Variants in CACNB4 observed in about 807,000 individuals in gnomAD.
The protein encoded by CACNB4 is calcium voltage-gated channel auxiliary subunit beta 4.
CACNB4 carries 32 observed loss-of-function variants against 71.2 expected under a neutral mutation model. The observed-to-expected ratio is 0.45, with a 90% CI of 0.34 to 0.60. The LOEUF (loss-of-function observed/expected upper bound fraction) is 0.60. Ranked by LOEUF, CACNB4 falls within the 20% of genes least tolerant of loss-of-function variation. The pLI is 0.01. For synonymous variants in CACNB4, 231 were observed against 236.9 expected (o/e 0.97, Z 0.23); for missense variants, 464 against 647.9 (o/e 0.72, Z 3.08).
intron 2 of CACNB4, among the ~76,000 whole-genome samples, chr2:152,020,096 T>G (rs1337402311): frequency 6.6e-6 from 1 of 152,230 alleles, no homozygotes; most frequent in Non-Finnish European, 1.5e-5. Flanking sequence ...AATCAATGTC[T>G]CTGGAACCTA....
chr2:151,857,744 G>A (rs780038993), intron 10 of CACNB4: 1 of 152,196 alleles, frequency 6.6e-6, no homozygotes, highest in Non-Finnish European at 1.5e-5. Context: ...GGACTGCCCT[G>A]GTACAAATAA....
At chr2:151,931,387 G>A (rs565115705) in intron 2 of CACNB4, among the ~76,000 whole-genome samples, 2 of 152,042 alleles carry the variant, frequency 1.3e-5, no homozygotes, top group Admixed American at 1.3e-4. Flanking sequence ...TAAAATCCAG[G>A]GTCTGTTTAC....
At chr2:151,948,223 T>A (rs1157812711) in intron 2 of CACNB4, among the ~76,000 whole-genome samples, 1 of 152,168 alleles carries the variant, frequency 6.6e-6, no homozygotes, top group African/African-American at 2.4e-5. Flanking sequence ...AGCCTTGCAG[T>A]TTAGCTGCAA....
Position 151,960,653 on chromosome 2 carries a change from C to A in CACNB4, c.148-77283G>T, listed in dbSNP as rs527887743. On this transcript the variant is annotated intron_variant, in intron 2 of 13. Transcript: ENST00000539935. ...CCAGTGATGGGTTACATGTCCCAAT[C>A]CTTGGCCAACTGGTCCACCAGTCAA... Among the ~76,000 whole-genome samples the A allele has an allele frequency of 2.6e-5, 4 of 152,294 alleles. No individual in the cohort carries two copies. The East Asian group carries it at 7.7e-4, about 29-fold the overall frequency.
chr2:151,933,262 T>C (rs905653436), intron 2 of CACNB4, among the ~76,000 whole-genome samples: 1 of 151,826 alleles, frequency 6.6e-6, no homozygotes, highest in Non-Finnish European at 1.5e-5. Flanking sequence ...GTCTCGATGT[T>C]GGCCTTATTA....
chr2:151,949,542 C>A (rs2099866394), intron 2 of CACNB4, among the ~76,000 whole-genome samples: 1 of 151,976 alleles, frequency 6.6e-6, no homozygotes, highest in African/African-American at 2.4e-5. Flanking sequence ...ACAGCATGGT[C>A]CGTTCAGGGA....
intron 2 of CACNB4, among the ~76,000 whole-genome samples, chr2:152,061,188 T>C (rs2105332397): frequency 6.6e-6 from 1 of 152,198 alleles, no homozygotes; most frequent in South Asian, 2.1e-4. Flanking sequence ...CACATGCCTG[T>C]AGCCTCCCAG....
chr2:152,080,994 T>C (rs977554576), intron 2 of CACNB4, among the ~76,000 whole-genome samples: 1 of 152,194 alleles, frequency 6.6e-6, no homozygotes, highest in Admixed American at 6.5e-5. Flanking sequence ...GCACCATGCT[T>C]CCTGGACAGC....
In CACNB4 at chr2:152,062,690, G is replaced by T. The variant is rs146153916; in HGVS notation, c.147+35640C>A. Among the ~76,000 whole-genome samples, 471 of 152,256 alleles carry T rather than the reference G, an allele frequency of 3.1e-3. 3 individuals are homozygous for T. Among genetic ancestry groups the T allele is most frequent in the African/African-American group, 0.011 (454 of 41,550 alleles). On this transcript the variant is annotated intron_variant, in intron 2 of 13. Coordinates refer to ENST00000539935, the MANE Select transcript of CACNB4 (RefSeq NM_000726.5). ...TCCACCAGCTTTGGAGCAGCTCCTG[G>T]CCTCTCCCATCATGGCAAGACAGAG...
chr2:151,979,405 G>A (rs182492618), intron 2 of CACNB4, among the ~76,000 whole-genome samples: 7 of 150,636 alleles, frequency 4.6e-5, no homozygotes, highest in African/African-American at 1.5e-4. Context: ...GAAAATGACA[G>A]ATCCCTCTCT....
At chr2:151,961,678 C>A (rs1411008795) in intron 2 of CACNB4, among the ~76,000 whole-genome samples, 1 of 152,010 alleles carries the variant, frequency 6.6e-6, no homozygotes, top group Non-Finnish European at 1.5e-5. Flanking sequence ...ACTGCTTGAG[C>A]CCAGGAGTAC....
At chr2:151,967,042 T>TC (rs1171069203) in intron 2 of CACNB4, 3 of 102,790 alleles carry the variant, frequency 2.9e-5, no homozygotes, top group African/African-American at 1.1e-4. Flanking sequence ...TCTCCACATT[T>TC]TTTTTTTTTT....
Position 152,080,431 on chromosome 2 carries a change from C to T in CACNB4, c.147+17899G>A, listed in dbSNP as rs111559616. Among the ~76,000 whole-genome samples the T allele has an allele frequency of 5.3e-3, 812 of 152,198 alleles. 6 individuals are homozygous for T. The highest frequency in any genetic ancestry group is 0.018 in the African/African-American group (759 of 41,532). ...CCACTGCGCCTGGCCAATTTACTGTCTTATACAGTGTCAACTCTATGAGAA... is the reference window on the plus strand; with the variant it reads ...CCACTGCGCCTGGCCAATTTACTGTTTTATACAGTGTCAACTCTATGAGAA... On this transcript the variant is annotated intron_variant, in intron 2 of 13. Transcript: ENST00000539935.
intron 2 of CACNB4, among the ~76,000 whole-genome samples, chr2:152,054,292 G>T (rs1437956405): frequency 1.6e-4 from 24 of 150,136 alleles, no homozygotes; most frequent in Admixed American, 1.5e-3. Context: ...CGTGAACCCG[G>T]GAGGCGGAGC....
intron 2 of CACNB4, chr2:151,971,637 G>A (rs2099872576): frequency 2.8e-6 from 2 of 702,634 alleles, no homozygotes; most frequent in South Asian, 1.5e-5. Flanking sequence ...AGCTATTTAG[G>A]CCTAGTCTTC....
chr2:151,873,570 G>A (rs1277026595), intron 5 of CACNB4: 1 of 152,194 alleles, frequency 6.6e-6, no homozygotes, highest in African/African-American at 2.4e-5. Flanking sequence ...GAAGGGATGG[G>A]AAGTACAGGG....
In CACNB4 at chr2:152,006,688, G is replaced by A. The variant is rs1256230365; in HGVS notation, c.147+91642C>T. Among the ~76,000 whole-genome samples, 11 of 152,074 alleles carry A rather than the reference G, an allele frequency of 7.2e-5. 1 individual carries two copies. The South Asian group carries it at 1.0e-3, about 14-fold the overall frequency. ...TGGGATTACAGGCATGAGACACCAC[G>A]CCTGGCCCTATATCTCTTACTCTGG... On this transcript the variant is annotated intron_variant, in intron 2 of 13. Transcript: ENST00000539935.
At chr2:151,892,844 T>C (rs1469147108) in intron 2 of CACNB4, among the ~76,000 whole-genome samples, 1 of 152,182 alleles carries the variant, frequency 6.6e-6, no homozygotes, top group South Asian at 2.1e-4. Context: ...CTGCCCAGAC[T>C]TCACCCAAAG....
chr2:151,961,972 T>C (rs1209605459), intron 2 of CACNB4, among the ~76,000 whole-genome samples: 2 of 152,182 alleles, frequency 1.3e-5, no homozygotes, highest in Admixed American at 6.5e-5. Flanking sequence ...AATACAGTAA[T>C]ACAGATGGAA....
Sources: allele counts gnomAD v4.1 joint callset (sites outside exome capture counted in the v4.1 genomes callset), GRCh38; gene constraint gnomAD v4.1.1; transcripts MANE v1.5; gene names NCBI Gene and HGNC (gene_info 2026-07-23, HGNC 2026-07-21).